PCDHGA4: variants seen among roughly 807,000 people sequenced by gnomAD.
PCDHGA4 encodes the protein protocadherin gamma-A4.
PCDHGA4 carries 38 observed loss-of-function variants against 54.6 expected under a neutral mutation model. The observed-to-expected ratio is 0.70, with a 90% CI of 0.54 to 0.91. The LOEUF (loss-of-function observed/expected upper bound fraction) is 0.91. Ranked by LOEUF, PCDHGA4 falls within the 40% of genes least tolerant of loss-of-function variation. PCDHGA4 has a pLI of 0.00. For missense variants in PCDHGA4, 1,298 were observed against 1,220.9 expected, an observed-to-expected ratio of 1.06 and a Z score of -0.94; for synonymous variants, 511 against 512.9, an observed-to-expected ratio of 1.00 and a Z score of 0.05.
At chr5:141,376,262 G>A (rs1417719002) in intron 1 of PCDHGA4, 2 of 1,614,108 alleles carry the variant, frequency 1.2e-6, no homozygotes, top group Admixed American at 1.7e-5. Context: ...CCTGCTGCAG[G>A]CTTCGGGAGG....
chr5:141,366,198 C>G (rs187196267), intron 1 of PCDHGA4: 1 of 1,613,774 alleles, frequency 6.2e-7, no homozygotes, highest in Non-Finnish European at 8.5e-7. Context: ...GGGCTGCACA[C>G]GGGCGAGGTG....
chr5:141,408,155 C>T (rs1355335396), intron 1 of PCDHGA4: 2 of 1,511,456 alleles, frequency 1.3e-6, no homozygotes, highest in Non-Finnish European at 1.8e-6. Flanking sequence ...GTAGAGTGCA[C>T]TTTCTCCAAC....
intron 1 of PCDHGA4, among the ~76,000 whole-genome samples, chr5:141,381,832 T>C (rs1244036161): frequency 1.7e-4 from 23 of 135,134 alleles, no homozygotes; most frequent in African/African-American, 6.3e-4. Context: ...TCTTCTTTTT[T>C]TTTTTTTTTT....
At chr5:141,380,163 G>A (rs765381808) in intron 1 of PCDHGA4, among the ~76,000 whole-genome samples, 1 of 152,092 alleles carries the variant, frequency 6.6e-6, no homozygotes, top group African/African-American at 2.4e-5. Context: ...GCCTCTCAAA[G>A]GGCTGGGATT....
At chr5:141,413,295 T>C in intron 1 of PCDHGA4, 1 of 1,613,940 alleles carries the variant, frequency 6.2e-7, no homozygotes, top group Middle Eastern at 1.7e-4. Context: ...ACTCAATTCC[T>C]GAGGAATTAG....
chr5:141,491,646 G>T lies in PCDHGA4; in HGVS notation c.2515-3161G>T. On this transcript the variant is annotated intron_variant, in intron 1 of 3. Transcript: ENST00000571252. The surrounding 1 kb of genome is among the most constrained non-coding windows in gnomAD (Gnocchi z 6.9). ...GCGTTCAGCAGCCCACAGCTCTGGC[G>T]CTGGAGCCTGACGCCATCCGGTCCC... is the stretch of plus-strand genomic sequence containing the variant. 1 of 1,613,872 alleles carries T rather than the reference G, an allele frequency of 6.2e-7. No individual in the cohort carries two copies. The highest frequency in any genetic ancestry group is 8.5e-7 in the Non-Finnish European group (1 of 1,180,030).
At chr5:141,384,990 G>A in intron 1 of PCDHGA4, 1 of 1,614,140 alleles carries the variant, frequency 6.2e-7, no homozygotes, top group Non-Finnish European at 8.5e-7. Context: ...TGGTGGCGGT[G>A]GCCACAGTCT....
At chr5:141,425,756 A>G (rs1282506394) in intron 1 of PCDHGA4, among the ~76,000 whole-genome samples, 1 of 152,228 alleles carries the variant, frequency 6.6e-6, no homozygotes, top group Non-Finnish European at 1.5e-5. Flanking sequence ...TTTTTGTTCT[A>G]CAACAGGAGA....
In PCDHGA4 at chr5:141,356,408, G is replaced by A. The variant is rs375778889; in HGVS notation, c.1301G>A (p.Arg434Gln). The change falls in exon 1 of 4, where the codon CGG (arginine) becomes CAG (glutamine). Residue 434 changes from arginine (R) to glutamine (Q), a missense_variant. Physicochemically the swap from Arg to Gln is conservative, Grantham distance 43. Transcript: ENST00000571252. ...TLEKTYGNYY[R>Q]LLTHRTLDRE... ...GAAAAGACCTATGGAAATTATTATC[G>A]GTTGTTGACACACAGAACACTGGAC... 1 of 1,595,544 alleles carries A rather than the reference G, an allele frequency of 6.3e-7. No individual in the cohort carries two copies. Among genetic ancestry groups the A allele is most frequent in the Non-Finnish European group, 8.5e-7 (1 of 1,170,050 alleles).
chr5:141,389,095 CAG>C (rs759384103), intron 1 of PCDHGA4: 4 of 1,613,906 alleles, frequency 2.5e-6, no homozygotes, highest in South Asian at 2.2e-5. Flanking sequence ...AAATTAGTGA[CAG>C]ATGCTGTTCT....
chr5:141,394,837 T>G lies in PCDHGA4; in HGVS notation c.2514+37216T>G, dbSNP rs993988817. 198 of 1,613,706 alleles carry G rather than the reference T, an allele frequency of 1.2e-4. No homozygotes were observed. The highest frequency in any genetic ancestry group is 1.6e-4 in the Non-Finnish European group (187 of 1,179,960). ...AGCATCCCCGAAGTCCTGACCGAGT[T>G]GGGCAGTCTGAAGCCTTCGGTCGAC... is the stretch of plus-strand genomic sequence containing the variant. On this transcript the variant is annotated intron_variant, in intron 1 of 3. Coordinates refer to ENST00000571252, the MANE Select transcript of PCDHGA4 (RefSeq NM_018917.4).
chr5:141,477,656 C>A lies in PCDHGA4; in HGVS notation c.2515-17151C>A. ...AGTGGGTCGCTATTTCACAATAAAT[C>A]GTGACAATGGCATAGTGTCATCCTT... On this transcript the variant is annotated intron_variant, in intron 1 of 3. Transcript: ENST00000571252. The surrounding 1 kb of genome is among the most constrained non-coding windows in gnomAD (Gnocchi z 4.9). 1 of 1,614,184 alleles carries A rather than the reference C, an allele frequency of 6.2e-7. No homozygotes were observed.
intron 1 of PCDHGA4, chr5:141,420,902 A>T (rs1202945278): frequency 3.4e-6 from 1 of 293,976 alleles, no homozygotes; most frequent in Non-Finnish European, 6.3e-6. Context: ...TAAGCTCTAC[A>T]AATACGTGTG....
intron 2 of PCDHGA4, among the ~76,000 whole-genome samples, chr5:141,500,194 T>G (rs994324188): frequency 2.1e-4 from 31 of 147,918 alleles, no homozygotes; most frequent in African/African-American, 7.7e-4. Context: ...TTTTATTTAT[T>G]TATTTATTTA....
intron 1 of PCDHGA4, chr5:141,433,096 C>G: frequency 3.1e-6 from 5 of 1,614,118 alleles, no homozygotes; most frequent in Non-Finnish European, 4.2e-6. Flanking sequence ...CAGACATGCT[C>G]GTCAGCCAGG....
intron 1 of PCDHGA4, chr5:141,418,921 T>A (rs897705216): frequency 1.9e-6 from 3 of 1,613,928 alleles, no homozygotes; most frequent in Admixed American, 3.3e-5. Context: ...CACTCTCTGA[T>A]CAGATTATGG....
chr5:141,372,754 G>T, intron 1 of PCDHGA4: 6 of 1,613,022 alleles, frequency 3.7e-6, no homozygotes, highest in African/African-American at 1.3e-5. Context: ...GAAGCCTCTT[G>T]GTTTGAAAGT....
intron 1 of PCDHGA4, among the ~76,000 whole-genome samples, chr5:141,424,908 C>G (rs910592644): frequency 1.3e-5 from 2 of 152,184 alleles, no homozygotes; most frequent in Non-Finnish European, 2.9e-5. Context: ...TCACAGGAAT[C>G]ATTTCCATAA....
chr5:141,506,228 A>T (rs538354130), intron 3 of PCDHGA4, among the ~76,000 whole-genome samples: 1 of 152,266 alleles, frequency 6.6e-6, no homozygotes, highest in East Asian at 1.9e-4. Context: ...AGGCAGGAGG[A>T]TCATGAGGTC....
Sources: gnomAD v4.1 joint callset for allele counts (sites outside exome capture counted in the v4.1 genomes callset) on GRCh38, gnomAD v4.1.1 for gene constraint, Gnocchi (gnomAD v3.1) non-coding constraint, MANE v1.5 for transcripts, NCBI Gene and HGNC (gene_info 2026-07-23, HGNC 2026-07-21) for gene names.